Variants in TECPR2 observed in about 807,000 individuals in gnomAD.
The protein encoded by TECPR2 is tectonin beta-propeller repeat-containing protein 2.
TECPR2 carries 65 observed loss-of-function variants against 138.1 expected under a neutral mutation model. That is an observed-to-expected ratio of 0.47 (90% CI 0.39 to 0.58). The LOEUF (loss-of-function observed/expected upper bound fraction) is 0.58. TECPR2 is among the 20% of genes least tolerant of loss of function. TECPR2 has a pLI of 0.00. For synonymous variants in TECPR2, 746 were observed against 749.8 expected, an observed-to-expected ratio of 0.99 and a Z score of 0.08; for missense variants, 1,553 against 1,824.5, an observed-to-expected ratio of 0.85 and a Z score of 2.71.
rs1046093637 is a variant in TECPR2, at chr14:102,419,254, A to T, written c.638+4461A>T. 6.6e-6 allele frequency among the ~76,000 whole-genome samples: 1 copy of T among 152,086 alleles called. No homozygotes were observed. Among genetic ancestry groups the T allele is most frequent in the East Asian group, 1.9e-4 (1 of 5,170 alleles). ...CGACGGGCCTGAGTCTGTAGCATGG[A>T]GGCTGTGCACAGCCCTCCTCATCAG... On this transcript the variant is annotated intron_variant, in intron 5 of 19. Transcript: ENST00000359520. This position sits in a 1 kb window ranked among gnomAD's most constrained non-coding sequence, Gnocchi z 4.8.
intron 18 of TECPR2, 49 bp from the exon 19 acceptor site, chr14:102,497,521 C>T (rs755192739): frequency 1.4e-5 from 20 of 1,449,984 alleles, no homozygotes; most frequent in Admixed American, 2.7e-5. Flanking sequence ...GAAGCAGCGG[C>T]CCATCCCGTC....
intron 4 of TECPR2, among the ~76,000 whole-genome samples, chr14:102,410,793 G>GTTTACACT (rs1313068380): frequency 2.0e-5 from 3 of 151,548 alleles, no homozygotes; most frequent in African/African-American, 7.3e-5. Flanking sequence ...CCCTGCTCTG[G>GTTTACACT]TTTACACTGC....
chr14:102,428,356 G>A lies in TECPR2; in HGVS notation c.1058G>A (p.Ser353Asn). 6.2e-7 allele frequency: 1 copy of A among 1,607,176 alleles called. No homozygotes were observed. Among genetic ancestry groups the A allele is most frequent in the African/African-American group, 1.3e-5 (1 of 74,180 alleles). The change falls in exon 7 of 20, where the codon AGC becomes AAC. Residue 353 changes from serine to asparagine, a missense_variant. Transcript: ENST00000359520. ...KGDRNIIRIS[S>N]RPEGLTSTVR... ...GATAGGAACATTATAAGAATTTCAA[G>A]CAGGCCTGAAGGATTAACATCAACA...
intron 4 of TECPR2, among the ~76,000 whole-genome samples, chr14:102,414,074 C>A (rs1306790451): frequency 6.6e-6 from 1 of 152,142 alleles, no homozygotes; most frequent in Non-Finnish European, 1.5e-5. Context: ...CATTTAATTT[C>A]TTCTAACCTT....
In TECPR2 at chr14:102,415,773, C is replaced by T. The variant is rs74645506; in HGVS notation, c.638+980C>T. 0.01 allele frequency among the ~76,000 whole-genome samples: 1,580 copies of T among 152,306 alleles called. 29 individuals are homozygous for T. Among genetic ancestry groups the T allele is most frequent in the African/African-American group, 0.036 (1,501 of 41,558 alleles). On this transcript the variant is annotated intron_variant, in intron 5 of 19. Transcript: ENST00000359520. This position sits in a 1 kb window ranked among gnomAD's most constrained non-coding sequence, Gnocchi z 4.3. ...TCTCCCAGGAAAGGGCACTGTTTGC[C>T]TGCATAGAATCAGGGGCAGGGCAGC...
rs1422079017 is a variant in TECPR2, at chr14:102,502,418, T to C, written c.*4161T>C. ...TATATGCCTTTTTGTATCCTTTGAA[T>C]TTCCAGCCATGTAAATGTATTATTT... On this transcript the variant is annotated 3_prime_UTR_variant, in exon 20 of 20. Coordinates refer to ENST00000359520, the MANE Select transcript of TECPR2 (RefSeq NM_014844.5). 1.3e-5 allele frequency: 2 copies of C among 152,686 alleles called. No homozygotes were observed. The highest frequency in any genetic ancestry group is 2.9e-5 in the Non-Finnish European group (2 of 68,050). The allele number at this position is 152,686 out of a possible 1,614,324, so 9.5% of individuals were successfully genotyped here. A position where few individuals can be genotyped will look rare whatever the true frequency, so the allele number is the denominator to read the frequency against.
At chr14:102,463,395 C>T (rs372807566) in intron 16 of TECPR2, among the ~76,000 whole-genome samples, 29 of 122,642 alleles carry the variant, frequency 2.4e-4, no homozygotes, top group African/African-American at 6.1e-4. Context: ...CCAGCCTGGG[C>T]GACAGAGCGA....
chr14:102,477,302 A>G (rs1461439678), intron 17 of TECPR2, among the ~76,000 whole-genome samples: 2 of 151,808 alleles, frequency 1.3e-5, no homozygotes, highest in African/African-American at 4.8e-5. Context: ...CCTGAGAGGC[A>G]GAGGTTGTGG....
intron 13 of TECPR2, 146 bp downstream of exon 13, chr14:102,446,093 A>T (rs1366751189): frequency 1.8e-6 from 2 of 1,122,262 alleles, no homozygotes; most frequent in Admixed American, 3.0e-5. Flanking sequence ...TTGAAACAAG[A>T]TCTCCTTCCG....
At chr14:102,390,051 A>G (rs1358715702) in intron 2 of TECPR2, among the ~76,000 whole-genome samples, 1 of 152,234 alleles carries the variant, frequency 6.6e-6, no homozygotes, top group Non-Finnish European at 1.5e-5. Flanking sequence ...TTTCAGATCA[A>G]TTCTTTGGTA....
chr14:102,395,877 T>C (rs1392110332), intron 2 of TECPR2, among the ~76,000 whole-genome samples: 1 of 152,030 alleles, frequency 6.6e-6, no homozygotes, highest in African/African-American at 2.4e-5. Context: ...AACCAAAACA[T>C]GGTAGGAATT....
At position 102,390,496 on chromosome 14, in the gene TECPR2, C is replaced by G. The variant is rs1888139894; in HGVS notation, c.219+13556C>G. Among the ~76,000 whole-genome samples the G allele has an allele frequency of 6.6e-5, 10 of 152,056 alleles. No homozygotes were observed. In the South Asian group the frequency reaches 1.5e-3, roughly 22 times the overall value. On this transcript the variant is annotated intron_variant, in intron 2 of 19. Transcript: ENST00000359520. Reference sequence around the variant, plus strand: ...GAATGGCTCCCTGGCTAGAATAAGACTGAATTGTCCCTAGATCAAAAAAAG... The same window carrying G: ...GAATGGCTCCCTGGCTAGAATAAGAGTGAATTGTCCCTAGATCAAAAAAAG...
intron 2 of TECPR2, among the ~76,000 whole-genome samples, chr14:102,382,664 C>A (rs898476618): frequency 2.9e-4 from 44 of 152,196 alleles, no homozygotes; most frequent in Admixed American, 2.9e-3. Context: ...AGAAAACATA[C>A]CTCAACACAT....
chr14:102,377,944 T>C (rs1597767115), intron 2 of TECPR2, among the ~76,000 whole-genome samples: 1 of 152,228 alleles, frequency 6.6e-6, no homozygotes, highest in Admixed American at 6.5e-5. Flanking sequence ...TTCTATAGCA[T>C]TGGGATCCTG....
intron 2 of TECPR2, among the ~76,000 whole-genome samples, chr14:102,405,688 A>G (rs1297905936): frequency 1.3e-5 from 2 of 152,234 alleles, no homozygotes; most frequent in South Asian, 2.1e-4. Flanking sequence ...TGTACCCAAG[A>G]TAATTGAAAG....
At chr14:102,496,873 T>C in intron 17 of TECPR2, 106 bp from the exon 18 acceptor site, 2 of 1,527,082 alleles carry the variant, frequency 1.3e-6, no homozygotes, top group Admixed American at 1.9e-5. Context: ...GGGCCCACAC[T>C]GGCTGCTGCA....
Position 102,440,590 on chromosome 14 carries a change from G to A in TECPR2, c.2733G>A (p.Gly911=), listed in dbSNP as rs2139739942. 2.5e-6 allele frequency: 4 copies of A among 1,613,814 alleles called. No homozygotes were observed. Among genetic ancestry groups the A allele is most frequent in the Non-Finnish European group, 3.4e-6 (4 of 1,179,898 alleles). Residue 911 remains glycine, a synonymous_variant, in exon 11 of 20, where the codon GGG becomes GGA. Transcript: ENST00000359520. ...DDTAWIIRTS[G]DLYLQTGLSV... is the part of the protein sequence containing the mutation. ...CGGCCTGGATCATCAGGACCAGTGG[G>A]GACCTATACTTGCAGACAGGTAACC... is the stretch of plus-strand genomic sequence containing the variant.
chr14:102,363,131 G>T lies in TECPR2; in HGVS notation c.-73+15G>T. 1 of 374,368 alleles carries T rather than the reference G, an allele frequency of 2.7e-6. No individual in the cohort carries two copies. The highest frequency in any genetic ancestry group is 4.7e-6 in the Non-Finnish European group (1 of 211,260). 23.2% of individuals were successfully genotyped at this position (374,368 alleles called of 1,614,324 possible). A position where few individuals can be genotyped will look rare whatever the true frequency, so the allele number is the denominator to read the frequency against. On this transcript the variant is annotated intron_variant, in intron 1 of 19. Transcript: ENST00000359520. ...TGCCGCGGGAGGTGAGTCCGGCGAC[G>T]CCGCAAGCGGCCCCGACGCCCCCGA...
intron 16 of TECPR2, among the ~76,000 whole-genome samples, chr14:102,453,638 G>T (rs1890206968): frequency 6.6e-6 from 1 of 152,146 alleles, no homozygotes; most frequent in Non-Finnish European, 1.5e-5. Context: ...TTGCCTGAAG[G>T]TGGAGTTGTG....
Sources: gnomAD v4.1 joint callset for allele counts (sites outside exome capture counted in the v4.1 genomes callset) on GRCh38, gnomAD v4.1.1 for gene constraint, Gnocchi (gnomAD v3.1) non-coding constraint, MANE v1.5 for transcripts, NCBI Gene and HGNC (gene_info 2026-07-23, HGNC 2026-07-21) for gene names.